The following PCDH15 variants were observed in gnomAD, a reference collection of about 807,000 sequenced individuals.
PCDH15 encodes protocadherin-15.
A neutral mutation model predicts 178.5 loss-of-function variants in PCDH15; 129 were observed. The ratio of observed to expected loss-of-function variants is 0.72; its 90% CI spans 0.63 to 0.84. The LOEUF (loss-of-function observed/expected upper bound fraction) is 0.84. PCDH15 is among the 40% of genes least tolerant of loss of function. The probability of loss-of-function intolerance (pLI) is 0.00; values close to 1 mark genes in which losing one functional copy is unlikely to be tolerated. For synonymous variants in PCDH15, 800 were observed against 732.0 expected, an observed-to-expected ratio of 1.09 and a Z score of -1.50; for missense variants, 2,230 against 2,099.9, an observed-to-expected ratio of 1.06 and a Z score of -1.21.
At chr10:54,466,188 T>C (rs944282303) in intron 3 of PCDH15, among the ~76,000 whole-genome samples, 2 of 152,102 alleles carry the variant, frequency 1.3e-5, no homozygotes, top group Middle Eastern at 3.4e-3. Flanking sequence ...TTTCCTTAGC[T>C]GTGCAGAAAT....
At chr10:54,812,326 A>G (rs2133730291) in intron 3 of PCDH15, among the ~76,000 whole-genome samples, 1 of 148,352 alleles carries the variant, frequency 6.7e-6, no homozygotes, top group Non-Finnish European at 1.5e-5. Context: ...GCTGAAGTGC[A>G]ATGGCAGGAT....
At chr10:55,414,653 G>T (rs1289746993) in intron 2 of PCDH15, among the ~76,000 whole-genome samples, 1 of 151,312 alleles carries the variant, frequency 6.6e-6, no homozygotes, top group East Asian at 1.9e-4. Flanking sequence ...TTATGAGATT[G>T]TTTTACTGAT....
At chr10:54,304,767 A>T (rs1338563529) in intron 8 of PCDH15, among the ~76,000 whole-genome samples, 1 of 152,108 alleles carries the variant, frequency 6.6e-6, no homozygotes, top group Admixed American at 6.6e-5. Context: ...ACAGTGGCTT[A>T]TGTATAAGAT....
chr10:53,862,210 C>A (rs2079150659), intron 27 of PCDH15, among the ~76,000 whole-genome samples: 1 of 152,052 alleles, frequency 6.6e-6, no homozygotes, highest in Non-Finnish European at 1.5e-5. Flanking sequence ...CATCACCACA[C>A]CTGGCTAATT....
At chr10:55,290,280 A>C (rs1379077402) in intron 1 of PCDH15, among the ~76,000 whole-genome samples, 1 of 151,010 alleles carries the variant, frequency 6.6e-6, no homozygotes, top group African/African-American at 2.5e-5. Flanking sequence ...CTATGTATGT[A>C]TTAGAGTAAT....
intron 8 of PCDH15, among the ~76,000 whole-genome samples, chr10:54,308,999 AAGGCTGTGGGC>A (rs2060726384): frequency 6.6e-6 from 1 of 152,046 alleles, no homozygotes; most frequent in African/African-American, 2.4e-5. Context: ...TTCGCATTAA[AAGGCTGTGGGC>A]AGTTTGGGAG....
chr10:54,750,802 G>T (rs921441699), intron 1 of PCDH15, among the ~76,000 whole-genome samples: 5 of 151,962 alleles, frequency 3.3e-5, no homozygotes, highest in Admixed American at 3.3e-4. Context: ...ACAAAAGATT[G>T]CTTAACAATT....
intron 1 of PCDH15, among the ~76,000 whole-genome samples, chr10:54,732,087 A>T (rs953514129): frequency 3.4e-5 from 5 of 147,566 alleles, no homozygotes; most frequent in African/African-American, 1.3e-4. Context: ...CAATGCAAAA[A>T]TTGGAAAAAA....
intron 3 of PCDH15, among the ~76,000 whole-genome samples, chr10:54,520,682 T>A (rs12771941): frequency 0.62 from 93,654 of 149,946 alleles, 29,808 homozygotes; most frequent in East Asian, 0.97. Context: ...TAGAACTAGA[T>A]ATACCATTTG....
chr10:54,774,496 TA>T (rs34847308), intron 1 of PCDH15, among the ~76,000 whole-genome samples: 1 of 152,058 alleles, frequency 6.6e-6, no homozygotes, highest in African/African-American at 2.4e-5. Flanking sequence ...AATATACATT[TA>T]AAAAAGAATA....
At chr10:55,549,796 GA>G (rs1429792823) in intron 2 of PCDH15, among the ~76,000 whole-genome samples, 1 of 152,062 alleles carries the variant, frequency 6.6e-6, no homozygotes, top group Non-Finnish European at 1.5e-5. Flanking sequence ...GTCAGTAGAG[GA>G]AATAGTGGGA....
intron 2 of PCDH15, among the ~76,000 whole-genome samples, chr10:55,617,170 C>G (rs1317466715): frequency 1.3e-5 from 2 of 151,914 alleles, no homozygotes; most frequent in Non-Finnish European, 2.9e-5. Flanking sequence ...CTTTCTTTTT[C>G]TTTCCAAATA....
At chr10:54,490,571 T>G (rs930809330) in intron 3 of PCDH15, among the ~76,000 whole-genome samples, 1 of 152,074 alleles carries the variant, frequency 6.6e-6, no homozygotes, top group Non-Finnish European at 1.5e-5. Context: ...CAAGTTTATG[T>G]TGAAAATGTA....
chr10:54,999,547 G>A (rs1178812151), intron 2 of PCDH15, among the ~76,000 whole-genome samples: 1 of 152,142 alleles, frequency 6.6e-6, no homozygotes, highest in Non-Finnish European at 1.5e-5. Context: ...CTGCGATGGT[G>A]TGTGTGGAGT....
intron 2 of PCDH15, among the ~76,000 whole-genome samples, chr10:55,587,438 A>AT (rs1403771509): frequency 6.6e-6 from 1 of 151,824 alleles, no homozygotes; most frequent in Non-Finnish European, 1.5e-5. Context: ...AAAAATATAT[A>AT]TTTTTAGCTC....
intron 25 of PCDH15, among the ~76,000 whole-genome samples, chr10:53,913,398 T>C (rs1197065885): frequency 6.6e-6 from 1 of 151,882 alleles, no homozygotes; most frequent in Non-Finnish European, 1.5e-5. Context: ...CCAAAAGCAA[T>C]GGCACCGAAA....
At chr10:54,860,354 G>A (rs1953817782) in intron 3 of PCDH15, among the ~76,000 whole-genome samples, 1 of 151,984 alleles carries the variant, frequency 6.6e-6, no homozygotes, top group South Asian at 2.1e-4. Flanking sequence ...TTATGTTCAT[G>A]TGGTATACCC....
intron 2 of PCDH15, among the ~76,000 whole-genome samples, chr10:55,058,799 C>T (rs1290246100): frequency 2.0e-5 from 3 of 152,136 alleles, no homozygotes; most frequent in Admixed American, 6.5e-5. Flanking sequence ...AGAAAGCATG[C>T]TATCAGTGTT....
chr10:55,117,586 A>T (rs1837658945), intron 2 of PCDH15, among the ~76,000 whole-genome samples: 1 of 152,184 alleles, frequency 6.6e-6, no homozygotes. Context: ...CGTGATGCCC[A>T]GAGAGAAACA....
Sources: gnomAD v4.1 joint callset for allele counts (sites outside exome capture counted in the v4.1 genomes callset) on GRCh38, gnomAD v4.1.1 for gene constraint, MANE v1.5 for transcripts, NCBI Gene and HGNC (gene_info 2026-07-23, HGNC 2026-07-21) for gene names.